JAK2: variants seen among roughly 807,000 people sequenced by gnomAD.
JAK2 encodes tyrosine-protein kinase JAK2.
JAK2 carries 86 observed loss-of-function variants against 139.3 expected under a neutral mutation model. The observed-to-expected ratio is 0.62, with a 90% CI of 0.52 to 0.74. JAK2 has a LOEUF of 0.74. Among genes scored for constraint, JAK2 ranks in the 30% least tolerant of loss-of-function variants. The pLI is 0.00. For synonymous variants in JAK2, 490 were observed against 437.7 expected, an observed-to-expected ratio of 1.12 and a Z score of -1.49; for missense variants, 1,421 against 1,360.3, an observed-to-expected ratio of 1.04 and a Z score of -0.70.
rs940915789 is a variant in JAK2 at position 5,070,025 on chromosome 9, C to T, written c.1614C>T (p.His538=). 1 of 1,606,634 alleles carries T rather than the reference C, an allele frequency of 6.2e-7. No individual in the cohort carries two copies. The highest frequency in any genetic ancestry group is 1.1e-5 in the South Asian group (1 of 90,026). Residue 538 remains histidine, a synonymous_variant, in exon 12 of 25, where the codon CAC becomes CAT. Transcript: ENST00000381652. The part of the protein sequence containing the change: ...RPTHMNQMVF[H]KIRNEDLIFN... ...CTCATATGAACCAAATGGTGTTTCA[C>T]AAAATCAGAAATGAAGATTTGATAT...
At position 5,072,617 on chromosome 9, in the gene JAK2, C is replaced by A. The variant is rs1362123436; in HGVS notation, c.1767C>A (p.Asn589Lys). The A allele has an allele frequency of 5.0e-6, 8 of 1,604,584 alleles. No individual in the cohort carries two copies. The highest frequency in any genetic ancestry group is 6.8e-6 in the Non-Finnish European group (8 of 1,174,774). The part of the protein sequence containing the change: ...LLKVLDKAHR[N>K]YSESFFEAAS... ...AAGTTCTGGATAAAGCACACAGAAA[C>A]TATTCAGAGGTGTGTATGTTCTTTA... Residue 589 changes from asparagine (N) to lysine (K), a missense_variant, in exon 13 of 25, where the codon AAC becomes AAA. Physicochemically the swap from Asn to Lys is moderately conservative, Grantham distance 94. Transcript: ENST00000381652.
intron 2 of JAK2, among the ~76,000 whole-genome samples, chr9:5,008,962 A>C (rs1280067210): frequency 6.6e-6 from 1 of 151,870 alleles, no homozygotes; most frequent in East Asian, 1.9e-4. Context: ...GTTTGTCTTG[A>C]CTGTCTTCCA....
At chr9:5,010,934 C>G (rs1821662252) in intron 2 of JAK2, among the ~76,000 whole-genome samples, 2 of 152,136 alleles carry the variant, frequency 1.3e-5, no homozygotes, top group Non-Finnish European at 2.9e-5. Context: ...TGACAGCTTT[C>G]CCCCTCTCCC....
Position 5,114,582 on chromosome 9 carries a change from G to A in JAK2, c.3060-8422G>A, listed in dbSNP as rs138806469. ...CCTGATCCAGAACTTCTGGCCCAAG[G>A]ACATCTTGGTGCAGTGGCTGTACAA... On this transcript the variant is annotated intron_variant, in intron 22 of 24. Transcript: ENST00000381652. The A allele has an allele frequency of 2.8e-3, 1,359 of 491,944 alleles. 17 individuals are homozygous for A. Among genetic ancestry groups the A allele is most frequent in the African/African-American group, 0.024 (1,237 of 51,254 alleles). 30.5% of individuals were successfully genotyped at this position (491,944 alleles called of 1,614,324 possible). A position where few individuals can be genotyped will look rare whatever the true frequency, so the allele number is the denominator to read the frequency against.
chr9:5,077,309 A>G (rs1258164503), intron 14 of JAK2, 144 bp from the exon 15 acceptor site: 2 of 285,742 alleles, frequency 7.0e-6, no homozygotes, highest in Admixed American at 5.3e-5. Context: ...CTGTGTATCC[A>G]TTAAGTTTTC....
At chr9:5,039,185 G>T (rs951419134) in intron 4 of JAK2, among the ~76,000 whole-genome samples, 1 of 151,964 alleles carries the variant, frequency 6.6e-6, no homozygotes, top group African/African-American at 2.4e-5. Flanking sequence ...AGAAATAAAA[G>T]GCATTTATAT....
chr9:5,012,665 G>C (rs1374339656), intron 2 of JAK2, among the ~76,000 whole-genome samples: 1 of 152,124 alleles, frequency 6.6e-6, no homozygotes, highest in African/African-American at 2.4e-5. Context: ...AGTAAGATTT[G>C]TATCTCAGGA....
At chr9:4,993,288 A>C (rs1820369883) in intron 2 of JAK2, among the ~76,000 whole-genome samples, 1 of 152,224 alleles carries the variant, frequency 6.6e-6, no homozygotes, top group African/African-American at 2.4e-5. Context: ...TTTAGATCTT[A>C]AGAAAGGATC....
At chr9:5,008,233 TTA>T (rs1203642077) in intron 2 of JAK2, among the ~76,000 whole-genome samples, 2 of 152,226 alleles carry the variant, frequency 1.3e-5, no homozygotes, top group East Asian at 1.9e-4. Flanking sequence ...GTTCCATTGT[TTA>T]TGTTTTGAAT....
intron 19 of JAK2, chr9:5,085,394 C>T: frequency 1.2e-6 from 1 of 852,192 alleles, no homozygotes; most frequent in South Asian, 1.3e-5. Context: ...TCGGGGCATC[C>T]TAGAACAGAG....
intron 2 of JAK2, among the ~76,000 whole-genome samples, chr9:5,005,999 A>C (rs189726690): frequency 2.6e-5 from 4 of 152,038 alleles, no homozygotes; most frequent in Non-Finnish European, 5.9e-5. Flanking sequence ...TTCCATATGA[A>C]CTTTAAAGTA....
At position 5,060,958 on chromosome 9, in the gene JAK2, C is replaced by T. The variant is rs897329217; in HGVS notation, c.1057-3925C>T. Reference sequence around the variant, plus strand: ...GTTGTGTCACCAGGTCTGAAAATAACATGAATATCCTTGTACATCTCTGTC... The same window carrying T: ...GTTGTGTCACCAGGTCTGAAAATAATATGAATATCCTTGTACATCTCTGTC... On this transcript the variant is annotated intron_variant, in intron 8 of 24. Transcript: ENST00000381652. 4.6e-5 allele frequency among the ~76,000 whole-genome samples: 7 copies of T among 152,230 alleles called. No homozygotes were observed. The East Asian group carries it at 9.6e-4, about 21-fold the overall frequency.
chr9:5,026,175 TA>T (rs1190112258), intron 3 of JAK2, among the ~76,000 whole-genome samples: 1 of 152,238 alleles, frequency 6.6e-6, no homozygotes, highest in Non-Finnish European at 1.5e-5. Context: ...CATTTGCTCT[TA>T]TTTTCTAATA....
chr9:4,984,570 T>C (rs1189244254), upstream of JAK2: 2 of 152,602 alleles, frequency 1.3e-5, no homozygotes, highest in Non-Finnish European at 2.9e-5. Flanking sequence ...CGAAACAGCG[T>C]GTGTGAGCGC....
At chr9:5,120,769 G>C (rs1823552929) in intron 22 of JAK2, among the ~76,000 whole-genome samples, 1 of 152,150 alleles carries the variant, frequency 6.6e-6, no homozygotes, top group African/African-American at 2.4e-5. Context: ...ACTCTAAAGG[G>C]ACTTAGTGGG....
At chr9:5,020,193 C>T (rs561504705) in intron 2 of JAK2, among the ~76,000 whole-genome samples, 3 of 152,228 alleles carry the variant, frequency 2.0e-5, no homozygotes, top group East Asian at 1.9e-4. Flanking sequence ...GCTGGGTAGG[C>T]AAGTCCTAAA....
rs751802027 is a variant in JAK2 at position 5,055,683 on chromosome 9, T to C, written c.951T>C (p.Tyr317=). The change falls in exon 8 of 25, where the codon TAT becomes TAC. Residue 317 remains tyrosine, a synonymous_variant. Coordinates refer to ENST00000381652, the MANE Select transcript of JAK2 (RefSeq NM_004972.4). ...ETLTEQDLQL[Y]CDFPNIIDVS... is the part of the protein sequence containing the mutation. ...TTTAATTATAGGATTTACAGTTATA[T>C]TGCGATTTTCCTAATATTATTGATG... is the stretch of plus-strand genomic sequence containing the variant. 3 of 1,576,332 alleles carry C rather than the reference T, an allele frequency of 1.9e-6. No homozygotes were observed. The highest frequency in any genetic ancestry group is 1.7e-5 in the Admixed American group (1 of 59,226).
In JAK2 at chr9:5,128,222, G is replaced by GA. The variant is rs1374402415; in HGVS notation, c.*1433dup. The GA allele has an allele frequency of 2.2e-5, 5 of 230,812 alleles. No individual in the cohort carries two copies. The highest frequency in any genetic ancestry group is 5.7e-5 in the Admixed American group (1 of 17,682). The allele number at this position is 230,812 out of a possible 1,614,324, so 14.3% of individuals were successfully genotyped here. ...GTTCTACTTTTTTGAAAGTTGTACTGAAGACTTCTGATTTTGGGTTGAAGG... is the reference window on the plus strand; with the variant it reads ...GTTCTACTTTTTTGAAAGTTGTACTGAAAGACTTCTGATTTTGGGTTGAAGG... On this transcript the variant is annotated 3_prime_UTR_variant, in exon 25 of 25. Coordinates refer to ENST00000381652, the MANE Select transcript of JAK2 (RefSeq NM_004972.4).
At chr9:5,069,840 G>A in intron 11 of JAK2, 85 bp from the exon 12 acceptor site, 1 of 815,918 alleles carries the variant, frequency 1.2e-6, no homozygotes, top group Non-Finnish European at 1.8e-6. Context: ...CTTATACGTA[G>A]AACACATTTC....
Sources: allele counts gnomAD v4.1 joint callset (sites outside exome capture counted in the v4.1 genomes callset), GRCh38; gene constraint gnomAD v4.1.1; transcripts MANE v1.5; gene names NCBI Gene and HGNC (gene_info 2026-07-23, HGNC 2026-07-21).